The following TAP1 variants were observed in gnomAD, a reference collection of about 807,000 sequenced individuals.
TAP1 encodes antigen peptide transporter 1.
Under a neutral mutation model 79.3 loss-of-function variants are expected in TAP1, and 56 were observed. The observed-to-expected ratio is 0.71, with a 90% CI of 0.57 to 0.88. TAP1 has a LOEUF of 0.88. Among genes scored for constraint, TAP1 ranks in the 40% least tolerant of loss-of-function variants. The pLI, the probability that TAP1 is intolerant of heterozygous loss-of-function variation, is 0.00. For synonymous variants in TAP1, 355 were observed against 401.4 expected (o/e 0.88, Z 1.38); for missense variants, 737 against 936.3 (o/e 0.79, Z 2.78).
rs146520438 is a variant in TAP1, at chr6:32,852,182, G to T, written c.771C>A (p.His257Gln). The T allele has an allele frequency of 6.2e-7, 1 of 1,613,034 alleles. No individual in the cohort carries two copies. The highest frequency in any genetic ancestry group is 1.1e-5 in the South Asian group (1 of 91,082). ...GIYNNTMGHV[H>Q]SHLQGEVFGA... ...CAAACACCTCTCCCTGCAAGTGGCT[G>T]TGCACGTGGCCCATGGTGTTGTTAT... The change falls in exon 3 of 11, where the codon CAC becomes CAA. Residue 257 changes from histidine (H) to glutamine (Q), a missense_variant. Around this residue, in one of 5 missense-constraint regions of TAP1, gnomAD observed 406 missense variants for 477.2 expected, o/e 0.85. Coordinates refer to ENST00000354258, the MANE Select transcript of TAP1 (RefSeq NM_000593.6). This position sits in a 1 kb window ranked among gnomAD's most constrained non-coding sequence, Gnocchi z 4.8.
Position 32,851,924 on chromosome 6 carries a change from T to TGTGTGAGAGAGAGAGAGAGA in TAP1, c.844+184_844+185insTCTCTCTCTCTCTCTCACAC, listed in dbSNP as rs1554246364. On this transcript the variant is annotated intron_variant, in intron 3 of 10. Transcript: ENST00000354258. This position sits in a 1 kb window ranked among gnomAD's most constrained non-coding sequence, Gnocchi z 4.8. ...AAAAACAATTGTGTGTGTGTGTGTG[T>TGTGTGAGAGAGAGAGAGAGA]GAGAGAGAGAGAGAGAGAGACAGAG... Among the ~76,000 whole-genome samples, 33 of 147,332 alleles carry TGTGTGAGAGAGAGAGAGAGA rather than the reference T, an allele frequency of 2.2e-4. No individual in the cohort carries two copies. Among genetic ancestry groups the TGTGTGAGAGAGAGAGAGAGA allele is most frequent in the African/African-American group, 7.0e-4 (28 of 39,758 alleles).
Position 32,851,293 on chromosome 6 carries a change from A to G in TAP1, c.845-144T>C. The G allele has an allele frequency of 2.6e-6, 2 of 765,168 alleles. No homozygotes were observed. The highest frequency in any genetic ancestry group is 2.3e-6 in the Non-Finnish European group (1 of 443,912). 47.4% of individuals were successfully genotyped at this position (765,168 alleles called of 1,614,324 possible). A position where few individuals can be genotyped will look rare whatever the true frequency, so the allele number is the denominator to read the frequency against. ...GCAGGAAACAAGGTTAGGGTTCTCC[A>G]GAGGTCTGCAAATCTCAGTGCAGGG... On this transcript the variant is annotated intron_variant, in intron 3 of 10. Transcript: ENST00000354258. The surrounding 1 kb of genome is among the most constrained non-coding windows in gnomAD (Gnocchi z 4.8).
Position 32,845,681 on chromosome 6 carries a change from C to A in TAP1, c.2145G>T (p.Leu715=). ...LVEQADHILF[L]EGGAIREGGT... is the part of the protein sequence containing the mutation. ...CCCCCTCCCGGATAGCGCCTCCTTCCAGAAAGAGGATGTGGTCAGCCTGCT... is the reference window on the plus strand; with the variant it reads ...CCCCCTCCCGGATAGCGCCTCCTTCAAGAAAGAGGATGTGGTCAGCCTGCT... The change falls in exon 11 of 11, where the codon CTG becomes CTT. Residue 715 remains leucine, a synonymous_variant. Coordinates refer to ENST00000354258, the MANE Select transcript of TAP1 (RefSeq NM_000593.6). The surrounding 1 kb of genome is among the most constrained non-coding windows in gnomAD (Gnocchi z 4.5). 3 of 1,613,064 alleles carry A rather than the reference C, an allele frequency of 1.9e-6. No homozygotes were observed. The highest frequency in any genetic ancestry group is 1.7e-6 in the Non-Finnish European group (2 of 1,180,020).
chr6:32,848,948 A>G lies in TAP1; in HGVS notation c.1377+42T>C, dbSNP rs374564189. 212 of 1,612,804 alleles carry G rather than the reference A, an allele frequency of 1.3e-4. 1 individual carries two copies. In the African/African-American group the frequency reaches 2.4e-3, roughly 18 times the overall value. ...CATCACACAGATGGTGCTGGGCCAGAGGAAGGAATCACACTGGGGAGTGAA... is the reference window on the plus strand; with the variant it reads ...CATCACACAGATGGTGCTGGGCCAGGGGAAGGAATCACACTGGGGAGTGAA... On this transcript the variant is annotated intron_variant, in intron 6 of 10. Transcript: ENST00000354258.
chr6:32,852,014 T>C lies in TAP1; in HGVS notation c.844+95A>G. On this transcript the variant is annotated intron_variant, in intron 3 of 10. Coordinates refer to ENST00000354258, the MANE Select transcript of TAP1 (RefSeq NM_000593.6). The surrounding 1 kb of genome is among the most constrained non-coding windows in gnomAD (Gnocchi z 4.8). ...AGAAGGAACAATGTGTGTATGTGTGTGTGAGAGAGAGAGAGCGGGGAGGGG... is the reference window on the plus strand; with the variant it reads ...AGAAGGAACAATGTGTGTATGTGTGCGTGAGAGAGAGAGAGCGGGGAGGGG... The C allele has an allele frequency of 6.6e-7, 1 of 1,511,540 alleles. No individual in the cohort carries two copies. The highest frequency in any genetic ancestry group is 1.1e-5 in the South Asian group (1 of 88,700). The allele number at this position is 1,511,540 out of a possible 1,614,324, so 93.6% of individuals were successfully genotyped here. A position where few individuals can be genotyped will look rare whatever the true frequency, so the allele number is the denominator to read the frequency against.
Position 32,850,090 on chromosome 6 carries a change from G to A in TAP1, c.1248+230C>T. On this transcript the variant is annotated intron_variant, in intron 5 of 10. Coordinates refer to ENST00000354258, the MANE Select transcript of TAP1 (RefSeq NM_000593.6). The surrounding 1 kb of genome is among the most constrained non-coding windows in gnomAD (Gnocchi z 5.5). ...AGACACGCATCTCTCCAATCCACATGGTTGGGTGGATTTTATGTACCATAC... is the reference window on the plus strand; with the variant it reads ...AGACACGCATCTCTCCAATCCACATAGTTGGGTGGATTTTATGTACCATAC... 1.6e-6 allele frequency: 1 copy of A among 623,504 alleles called. No homozygotes were observed. Among genetic ancestry groups the A allele is most frequent in the Admixed American group, 2.5e-5 (1 of 40,098 alleles). The allele number at this position is 623,504 out of a possible 1,614,324, so 38.6% of individuals were successfully genotyped here.
rs56056727 is a variant in TAP1 at position 32,848,589 on chromosome 6, G to A, written c.1566+63C>T. The A allele has an allele frequency of 1.4e-3, 2,289 of 1,582,260 alleles. 8 individuals carry two copies. Among genetic ancestry groups the A allele is most frequent in the Middle Eastern group, 0.011 (53 of 4,776 alleles). On this transcript the variant is annotated intron_variant, in intron 7 of 10. Coordinates refer to ENST00000354258, the MANE Select transcript of TAP1 (RefSeq NM_000593.6). ...GCAGTAAGCAGGCTGAAGGCAGGAA[G>A]AAAATTTAGGATGGCAGAATTGCAG...
Position 32,845,475 on chromosome 6 carries a change from C to T in TAP1, c.*104G>A, listed in dbSNP as rs559114203. The T allele has an allele frequency of 1.4e-4, 178 of 1,279,720 alleles. 1 individual carries two copies. The highest frequency in any genetic ancestry group is 7.7e-4 in the Admixed American group (41 of 53,282). The allele number at this position is 1,279,720 out of a possible 1,614,324, so 79.3% of individuals were successfully genotyped here. ...GAGGTAACACACTCAAGGCAAATTTCAAGTAACTCATCCTGGAGGCAGCTG... is the reference window on the plus strand; with the variant it reads ...GAGGTAACACACTCAAGGCAAATTTTAAGTAACTCATCCTGGAGGCAGCTG... On this transcript the variant is annotated 3_prime_UTR_variant, in exon 11 of 11. Transcript: ENST00000354258. The surrounding 1 kb of genome is among the most constrained non-coding windows in gnomAD (Gnocchi z 4.5).
Position 32,853,211 on chromosome 6 carries a change from G to A in TAP1, c.426C>T (p.Val142=), listed in dbSNP as rs755094921. Residue 142 remains valine (V), a synonymous_variant, in exon 1 of 11, where the codon GTC becomes GTT. Coordinates refer to ENST00000354258, the MANE Select transcript of TAP1 (RefSeq NM_000593.6). This position sits in a 1 kb window ranked among gnomAD's most constrained non-coding sequence, Gnocchi z 8.3. ...CTGCGGGCAGTGCCGCTGCATAACT[G>A]ACAACGAAGGCGGTAGGGTGACTTC... ...HWGSHPTAFV[V]SYAAALPAAA... 3 of 1,611,672 alleles carry A rather than the reference G, an allele frequency of 1.9e-6. No individual in the cohort carries two copies. The highest frequency in any genetic ancestry group is 2.2e-5 in the South Asian group (2 of 90,736).
Position 32,853,676 on chromosome 6 carries a change from A to T in TAP1, c.-40T>A. 3 of 1,585,480 alleles carry T rather than the reference A, an allele frequency of 1.9e-6. No individual in the cohort carries two copies. The highest frequency in any genetic ancestry group is 1.7e-6 in the Non-Finnish European group (2 of 1,168,204). On this transcript the variant is annotated 5_prime_UTR_variant, in exon 1 of 11. Transcript: ENST00000354258. This position sits in a 1 kb window ranked among gnomAD's most constrained non-coding sequence, Gnocchi z 8.3. ...CGTCCCGGTCCCGGCCGGGCCTGGG[A>T]CTCTCCGCGCCCCGGTGGGGCCTGA...
At position 32,845,414 on chromosome 6, in the gene TAP1, C is replaced by A; in HGVS notation, c.*165G>T. On this transcript the variant is annotated 3_prime_UTR_variant, in exon 11 of 11. Transcript: ENST00000354258. This position sits in a 1 kb window ranked among gnomAD's most constrained non-coding sequence, Gnocchi z 4.5. ...GAATTACAAATCCTGTGTTTGTACT[C>A]CAGGAAGTCTGCATTATCACGAGGA... 1.4e-6 allele frequency: 1 copy of A among 725,354 alleles called. No individual in the cohort carries two copies. The allele number at this position is 725,354 out of a possible 1,614,324, so 44.9% of individuals were successfully genotyped here. A position where few individuals can be genotyped will look rare whatever the true frequency, so the allele number is the denominator to read the frequency against.
rs780584079 is a variant in TAP1 at position 32,852,253 on chromosome 6, G to A, written c.714-14C>T. 3 of 1,612,584 alleles carry A rather than the reference G, an allele frequency of 1.9e-6. No homozygotes were observed. The highest frequency in any genetic ancestry group is 2.2e-5 in the East Asian group (1 of 44,888). ...TCCAGCACTGCACTATAAAGAACCC[G>A]GAAAAAAAGGGGATCAGGGTGTGTT... is the stretch of plus-strand genomic sequence containing the variant. On this transcript the variant is annotated splice_polypyrimidine_tract_variant and intron_variant, in intron 2 of 10. Coordinates refer to ENST00000354258, the MANE Select transcript of TAP1 (RefSeq NM_000593.6). This position sits in a 1 kb window ranked among gnomAD's most constrained non-coding sequence, Gnocchi z 4.8.
In TAP1 at chr6:32,852,359, G is replaced by A. The variant is rs932597829; in HGVS notation, c.713+29C>T. The A allele has an allele frequency of 1.9e-6, 3 of 1,612,650 alleles. No individual in the cohort carries two copies. The highest frequency in any genetic ancestry group is 3.3e-5 in the Admixed American group (2 of 59,986). ...GCCCCAACTTCCAACTCCCTCATTT[G>A]CAGGGTGCCCCATTTTCAGCCCCCA... On this transcript the variant is annotated intron_variant, in intron 2 of 10. Coordinates refer to ENST00000354258, the MANE Select transcript of TAP1 (RefSeq NM_000593.6). The surrounding 1 kb of genome is among the most constrained non-coding windows in gnomAD (Gnocchi z 4.8).
At position 32,845,991 on chromosome 6, in the gene TAP1, G is replaced by A. The variant is rs116827595; in HGVS notation, c.2041-206C>T. ...TTTTACATGAAGGGTGCAAAAGTAGGATAAAAATGAGAACCCTAGGGTGAA... is the reference window on the plus strand; with the variant it reads ...TTTTACATGAAGGGTGCAAAAGTAGAATAAAAATGAGAACCCTAGGGTGAA... On this transcript the variant is annotated intron_variant, in intron 10 of 10. Coordinates refer to ENST00000354258, the MANE Select transcript of TAP1 (RefSeq NM_000593.6). The surrounding 1 kb of genome is among the most constrained non-coding windows in gnomAD (Gnocchi z 4.5). 0.058 allele frequency: 35,289 copies of A among 610,030 alleles called. 1,594 individuals carry two copies. The highest frequency in any genetic ancestry group is 0.083 in the Non-Finnish European group (28,072 of 339,690). 37.8% of individuals were successfully genotyped at this position (610,030 alleles called of 1,614,324 possible).
At position 32,847,551 on chromosome 6, in the gene TAP1, TG is replaced by T; in HGVS notation, c.1864del (p.His622IlefsTer15). On this transcript the variant is annotated frameshift_variant, in exon 9 of 11. Transcript: ENST00000354258. LOFTEE classifies it high-confidence loss of function. This position sits in a 1 kb window ranked among gnomAD's most constrained non-coding sequence, Gnocchi z 4.7. The stretch of plus-strand genomic sequence containing the variant: ...CTGAGGGAGTCCAGAGATGAAACTA[TG>T]GGCCCCAGACTTTACTGCAGCAGCT... ...ITAAAVKSGA[H>X]SFISGLPQGY... 6.2e-7 allele frequency: 1 copy of T among 1,613,934 alleles called. No homozygotes were observed. The highest frequency in any genetic ancestry group is 1.1e-5 in the South Asian group (1 of 91,062).
Position 32,845,681 on chromosome 6 carries a change from C to T in TAP1, c.2145G>A (p.Leu715=), listed in dbSNP as rs1382007823. 6.2e-7 allele frequency: 1 copy of T among 1,613,064 alleles called. No individual in the cohort carries two copies. Among genetic ancestry groups the T allele is most frequent in the South Asian group, 1.1e-5 (1 of 91,084 alleles). The change falls in exon 11 of 11, where the codon CTG becomes CTA. Residue 715 remains leucine, a synonymous_variant. Coordinates refer to ENST00000354258, the MANE Select transcript of TAP1 (RefSeq NM_000593.6). The surrounding 1 kb of genome is among the most constrained non-coding windows in gnomAD (Gnocchi z 4.5). ...CCCCCTCCCGGATAGCGCCTCCTTC[C>T]AGAAAGAGGATGTGGTCAGCCTGCT... ...LVEQADHILF[L]EGGAIREGGT...
rs1169279866 is a variant in TAP1 at position 32,847,208 on chromosome 6, C to T, written c.1904-4G>A. On this transcript the variant is annotated splice_polypyrimidine_tract_variant and splice_region_variant and intron_variant, in intron 9 of 10. Coordinates refer to ENST00000354258, the MANE Select transcript of TAP1 (RefSeq NM_000593.6). The surrounding 1 kb of genome is among the most constrained non-coding windows in gnomAD (Gnocchi z 4.7). ...TGGCTCCCAGCCTCGTCTACCTCTG[C>T]AGAGCAAAGGGCCAAGATGAGAACG... is the stretch of plus-strand genomic sequence containing the variant. 1 of 1,611,356 alleles carries T rather than the reference C, an allele frequency of 6.2e-7. No homozygotes were observed. Among genetic ancestry groups the T allele is most frequent in the Non-Finnish European group, 8.5e-7 (1 of 1,180,024 alleles).
At position 32,845,800 on chromosome 6, in the gene TAP1, C is replaced by T. The variant is rs538476075; in HGVS notation, c.2041-15G>A. 401 of 1,607,734 alleles carry T rather than the reference C, an allele frequency of 2.5e-4. 3 individuals carry two copies. In the South Asian group the frequency reaches 3.6e-3, roughly 14 times the overall value. ...AGCTGCTCCACCTGAGGAAAGACAT[C>T]GGACCGTCAGAGCCGGGGACTACCC... On this transcript the variant is annotated splice_polypyrimidine_tract_variant and intron_variant, in intron 10 of 10. Transcript: ENST00000354258. This position sits in a 1 kb window ranked among gnomAD's most constrained non-coding sequence, Gnocchi z 4.5.
intron 7 of TAP1, chr6:32,848,363 A>T: frequency 1.6e-6 from 1 of 620,842 alleles, no homozygotes; most frequent in Non-Finnish European, 2.8e-6. Context: ...CACATTCCAA[A>T]TTACAAAGGA....
Sources: allele counts gnomAD v4.1 joint callset (sites outside exome capture counted in the v4.1 genomes callset), GRCh38; gene constraint gnomAD v4.1.1; regional missense constraint gnomAD v4.1.1; non-coding constraint Gnocchi (gnomAD v3.1); transcripts MANE v1.5; gene names NCBI Gene and HGNC (gene_info 2026-07-23, HGNC 2026-07-21).